Variants in MTUS2 observed in about 807,000 individuals in gnomAD.
MTUS2 encodes the protein microtubule associated scaffold protein 2.
A neutral mutation model predicts 114.1 loss-of-function variants in MTUS2; 40 were observed. That is an observed-to-expected ratio of 0.35 (90% CI 0.27 to 0.46). The LOEUF (loss-of-function observed/expected upper bound fraction) is 0.46. Among genes scored for constraint, MTUS2 ranks in the 20% least tolerant of loss-of-function variants. The pLI is 1.00. For missense variants in MTUS2, 1,679 were observed against 1,705.4 expected (o/e 0.98, Z 0.27); for synonymous variants, 688 against 672.0 (o/e 1.02, Z -0.37).
chr13:28,953,883 T>C (rs1463362845), intron 2 of MTUS2, among the ~76,000 whole-genome samples: 1 of 152,228 alleles, frequency 6.6e-6, no homozygotes, highest in Non-Finnish European at 1.5e-5. Flanking sequence ...GTCAGCACCA[T>C]TTATTTGAGT....
intron 4 of MTUS2, among the ~76,000 whole-genome samples, chr13:29,093,973 T>A (rs1329136451): frequency 1.3e-5 from 2 of 152,188 alleles, no homozygotes; most frequent in Non-Finnish European, 2.9e-5. Context: ...ATTAAGAAGA[T>A]CATATGGTTT....
At position 29,266,706 on chromosome 13, in the gene MTUS2, T is replaced by C. The variant is rs1254473588; in HGVS notation, c.2645-14998T>C. Among the ~76,000 whole-genome samples, 3 of 152,144 alleles carry C rather than the reference T, an allele frequency of 2.0e-5. No homozygotes were observed. In the East Asian group the frequency reaches 5.8e-4, roughly 29 times the overall value. On this transcript the variant is annotated intron_variant, in intron 5 of 15. Coordinates refer to ENST00000612955, the MANE Select transcript of MTUS2 (RefSeq NM_001033602.4). ...TTCCCAGGAGCAGTTGCAAAAAGTG[T>C]GAAGCTTTTAGAGAGTCTGGGGTTC...
intron 2 of MTUS2, among the ~76,000 whole-genome samples, chr13:28,967,816 G>T (rs1336034134): frequency 1.3e-5 from 2 of 152,180 alleles, no homozygotes; most frequent in Non-Finnish European, 2.9e-5. Context: ...CCATGAGTCT[G>T]TGTATATAGA....
chr13:28,859,251 CT>C (rs1876825816), intron 2 of MTUS2, among the ~76,000 whole-genome samples: 1 of 152,144 alleles, frequency 6.6e-6, no homozygotes, highest in Admixed American at 6.5e-5. Flanking sequence ...ACAGGGGTGG[CT>C]GGGGCCCAGT....
At chr13:29,097,731 G>T (rs558611525) in intron 4 of MTUS2, among the ~76,000 whole-genome samples, 1 of 152,192 alleles carries the variant, frequency 6.6e-6, no homozygotes, top group African/African-American at 2.4e-5. Context: ...TCTGTTTCCA[G>T]CTTCTTTTCA....
chr13:28,906,369 C>T lies in MTUS2; in HGVS notation c.-243+66519C>T, dbSNP rs558115119. Among the ~76,000 whole-genome samples the T allele has an allele frequency of 4.0e-5, 6 of 151,058 alleles. No homozygotes were observed. In the East Asian group the frequency reaches 1.2e-3, roughly 29 times the overall value. On this transcript the variant is annotated intron_variant, in intron 2 of 15. Coordinates refer to ENST00000612955, the MANE Select transcript of MTUS2 (RefSeq NM_001033602.4). ...GTTAGGGTGTCAATTTTGGATCTTT[C>T]CTGCTTTCTCTTGTGGGCATTTAGT...
chr13:29,003,439 C>T (rs1410966563), intron 2 of MTUS2, among the ~76,000 whole-genome samples: 1 of 152,196 alleles, frequency 6.6e-6, no homozygotes, highest in Non-Finnish European at 1.5e-5. Context: ...AATTCCCTCT[C>T]CTATATGCTT....
At position 29,026,654 on chromosome 13, in the gene MTUS2, C is replaced by T; in HGVS notation, c.1956C>T (p.Pro652=). 6.2e-7 allele frequency: 1 copy of T among 1,613,992 alleles called. No homozygotes were observed. The highest frequency in any genetic ancestry group is 8.5e-7 in the Non-Finnish European group (1 of 1,179,884). ...PKIITYIRRN[P]QALGQVDASL... ...TCATCACCTACATCAGGAGGAATCCCCAGGCCCTGGGCCAGGTGGACGCCT... is the reference window on the plus strand; with the variant it reads ...TCATCACCTACATCAGGAGGAATCCTCAGGCCCTGGGCCAGGTGGACGCCT... The change falls in exon 3 of 16, where the codon CCC becomes CCT. Residue 652 remains proline (P), a synonymous_variant. Coordinates refer to ENST00000612955, the MANE Select transcript of MTUS2 (RefSeq NM_001033602.4).
At position 29,314,598 on chromosome 13, in the gene MTUS2, G is replaced by A. The variant is rs192971555; in HGVS notation, c.2807-10015G>A. Among the ~76,000 whole-genome samples the A allele has an allele frequency of 2.3e-3, 356 of 152,234 alleles. 3 individuals carry two copies. The highest frequency in any genetic ancestry group is 8.2e-3 in the African/African-American group (339 of 41,532). On this transcript the variant is annotated intron_variant, in intron 6 of 15. Coordinates refer to ENST00000612955, the MANE Select transcript of MTUS2 (RefSeq NM_001033602.4). ...TGTAAAATGTAAATATCAAGAAGTA[G>A]CATTATAAACATGTTACTTATATCT...
Position 29,503,135 on chromosome 13 carries a change from A to T in MTUS2, c.4039A>T (p.Thr1347Ser), listed in dbSNP as rs189670967. ...DPTSPIKLSP[T>S]SPVYRGSSSG... Reference sequence around the variant, plus strand: ...GACCAGTCCGATTAAACTCTCGCCCACATCTCCCGTTTACCGCGGCTCCTC... The same window carrying T: ...GACCAGTCCGATTAAACTCTCGCCCTCATCTCCCGTTTACCGCGGCTCCTC... Residue 1347 changes from threonine to serine, a missense_variant, in exon 16 of 16, where the codon ACA (threonine) becomes TCA (serine). Thr to Ser is a moderately conservative substitution (Grantham distance 58). This residue lies in a region of MTUS2 where 822 missense variants were observed against 899.7 expected (regional missense o/e 0.91). Coordinates refer to ENST00000612955, the MANE Select transcript of MTUS2 (RefSeq NM_001033602.4). 1.3e-3 allele frequency: 2,150 copies of T among 1,614,202 alleles called. 4 individuals carry two copies. Among genetic ancestry groups the T allele is most frequent in the Non-Finnish European group, 1.7e-3 (2,036 of 1,180,022 alleles).
chr13:29,263,950 T>G (rs11147372), intron 5 of MTUS2, among the ~76,000 whole-genome samples: 1 of 152,154 alleles, frequency 6.6e-6, no homozygotes, highest in South Asian at 2.1e-4. Flanking sequence ...GCACATAGTC[T>G]CCCAAATGTC....
chr13:29,342,694 T>C (rs149983928), intron 7 of MTUS2, among the ~76,000 whole-genome samples: 1 of 152,284 alleles, frequency 6.6e-6, no homozygotes, highest in African/African-American at 2.4e-5. Flanking sequence ...TCTAGTACTA[T>C]GTTGAATAGA....
At chr13:29,252,150 G>A (rs760915187) in intron 5 of MTUS2, among the ~76,000 whole-genome samples, 1 of 152,084 alleles carries the variant, frequency 6.6e-6, no homozygotes, top group Non-Finnish European at 1.5e-5. Context: ...AACTTTACAG[G>A]TAATAGTATT....
chr13:29,098,140 A>G (rs1890254430), intron 4 of MTUS2, among the ~76,000 whole-genome samples: 1 of 152,184 alleles, frequency 6.6e-6, no homozygotes, highest in Admixed American at 6.5e-5. Context: ...ACTCTCATGC[A>G]GAGACTAGTT....
At chr13:28,991,095 C>G (rs1884831111) in intron 2 of MTUS2, among the ~76,000 whole-genome samples, 2 of 152,212 alleles carry the variant, frequency 1.3e-5, no homozygotes, top group Non-Finnish European at 2.9e-5. Context: ...TTACAAGCTG[C>G]TGCTGCTGGG....
chr13:28,842,828 G>A (rs1218261229), intron 2 of MTUS2, among the ~76,000 whole-genome samples: 1 of 152,208 alleles, frequency 6.6e-6, no homozygotes, highest in Non-Finnish European at 1.5e-5. Context: ...ACCCTGTGCA[G>A]ATGCTAGTAG....
intron 9 of MTUS2, among the ~76,000 whole-genome samples, chr13:29,472,972 T>C (rs1399234103): frequency 6.6e-6 from 1 of 152,212 alleles, no homozygotes; most frequent in Non-Finnish European, 1.5e-5. Context: ...TTGACAGTTA[T>C]TTTGTCTTTT....
chr13:29,016,979 A>G (rs1187970055), intron 2 of MTUS2, among the ~76,000 whole-genome samples: 1 of 152,254 alleles, frequency 6.6e-6, no homozygotes, highest in Admixed American at 6.5e-5. Flanking sequence ...CCTGATGAGA[A>G]TAAACATACC....
At chr13:29,455,451 A>G (rs1879034034) in intron 9 of MTUS2, among the ~76,000 whole-genome samples, 1 of 152,288 alleles carries the variant, frequency 6.6e-6, no homozygotes, top group East Asian at 1.9e-4. Flanking sequence ...TAGAATGACC[A>G]TTATCTAGAA....
Sources: gnomAD v4.1 joint callset for allele counts (sites outside exome capture counted in the v4.1 genomes callset) on GRCh38, gnomAD v4.1.1 for gene constraint, gnomAD v4.1.1 regional missense constraint, MANE v1.5 for transcripts, NCBI Gene and HGNC (gene_info 2026-07-23, HGNC 2026-07-21) for gene names.